Variants in CCDC144A observed in about 807,000 individuals in gnomAD.
CCDC144A encodes the protein coiled-coil domain containing 144A.
A neutral mutation model predicts 143.8 loss-of-function variants in CCDC144A; 41 were observed. The ratio of observed to expected loss-of-function variants is 0.29; its 90% CI spans 0.22 to 0.37. CCDC144A has a LOEUF of 0.37. CCDC144A is among the 10% of genes least tolerant of loss of function. CCDC144A has a pLI of 1.00. For missense variants in CCDC144A, 637 were observed against 1,488.8 expected (o/e 0.43, Z 9.41); for synonymous variants, 242 against 517.9 (o/e 0.47, Z 7.23).
chr17:16,719,904 G>GT (rs1400581350), intron 6 of CCDC144A, among the ~76,000 whole-genome samples: 4 of 152,068 alleles, frequency 2.6e-5, no homozygotes, highest in Non-Finnish European at 5.9e-5. Flanking sequence ...CAGGTAACAT[G>GT]TTTTTTTCTT....
the CCDC144A span, among the ~76,000 whole-genome samples, chr17:16,676,868 C>G: frequency 6.6e-6 from 1 of 152,032 alleles, no homozygotes; most frequent in African/African-American, 2.4e-5. Context: ...CATCCCAAAC[C>G]AAACATACAT....
At chr17:16,725,567 C>T (rs1337351621) in intron 8 of CCDC144A, among the ~76,000 whole-genome samples, 3 of 151,692 alleles carry the variant, frequency 2.0e-5, no homozygotes, top group Non-Finnish European at 4.4e-5. Flanking sequence ...TAAGTGGGAG[C>T]TATGCTATGA....
chr17:16,731,467 A>AT (rs568649457), intron 9 of CCDC144A: 39 of 203,708 alleles, frequency 1.9e-4, no homozygotes, highest in African/African-American at 8.1e-4. Context: ...GTTCTAATTA[A>AT]TTTTCAACTT....
chr17:16,731,247 C>T (rs1913728605), intron 9 of CCDC144A: 1 of 152,208 alleles, frequency 6.6e-6, no homozygotes, highest in South Asian at 2.1e-4. Context: ...GATGGGGTAA[C>T]AGTTATAGAC....
chr17:16,683,725 G>A, the CCDC144A span: 1 of 1,582,724 alleles, frequency 6.3e-7, no homozygotes, highest in Non-Finnish European at 8.7e-7. Flanking sequence ...GCCAGCAAGC[G>A]ACTCCGTGAG....
intron 12 of CCDC144A, among the ~76,000 whole-genome samples, chr17:16,753,404 A>G (rs1435935873): frequency 1.4e-5 from 2 of 141,850 alleles, no homozygotes; most frequent in African/African-American, 2.6e-5. Context: ...TGTCCTCTAC[A>G]ATTTCTTTTG....
At position 16,753,436 on chromosome 17, in the gene CCDC144A, T is replaced by TGTTGTTGTTGTTG. The variant is rs1281845059; in HGVS notation, c.3373-7989_3373-7988insGTTGTTGTTGTTG. Among the ~76,000 whole-genome samples, 59 of 135,596 alleles carry TGTTGTTGTTGTTG rather than the reference T, an allele frequency of 4.4e-4. 1 individual carries two copies. The highest frequency in any genetic ancestry group is 1.8e-3 in the African/African-American group (53 of 29,584). The allele number at this position is 135,596 out of a possible 152,430, so 89.0% of individuals were successfully genotyped here. A position where few individuals can be genotyped will look rare whatever the true frequency, so the allele number is the denominator to read the frequency against. ...TTTGTCAGTGTTTTGTAGTTTTTTT[T>TGTTGTTGTTGTTG]TTTTTTTTTTTTTTTTTTTTGTAAA... On this transcript the variant is annotated intron_variant, in intron 12 of 16. Transcript: ENST00000399273.
chr17:16,670,355 T>A, the CCDC144A span, among the ~76,000 whole-genome samples: 1 of 143,414 alleles, frequency 7.0e-6, no homozygotes, highest in South Asian at 2.4e-4. Context: ...TGGCGTGATC[T>A]TGGCTCACTG....
the CCDC144A span, among the ~76,000 whole-genome samples, chr17:16,667,523 C>T: frequency 6.6e-6 from 1 of 152,132 alleles, no homozygotes; most frequent in African/African-American, 2.4e-5. Flanking sequence ...CGGGTCCCTG[C>T]GGCTGGGTCC....
intron 12 of CCDC144A, among the ~76,000 whole-genome samples, chr17:16,743,462 C>T (rs545557085): frequency 5.1e-4 from 78 of 152,176 alleles, no homozygotes; most frequent in African/African-American, 1.4e-3. Context: ...TATTTTTATA[C>T]CAAGACCTTG....
At chr17:16,728,660 C>G (rs1297001724) in intron 9 of CCDC144A, among the ~76,000 whole-genome samples, 1 of 152,014 alleles carries the variant, frequency 6.6e-6, no homozygotes, top group Non-Finnish European at 1.5e-5. Flanking sequence ...GTGGTGAAGT[C>G]TGGGATTTTA....
At chr17:16,745,539 G>A in intron 12 of CCDC144A, 10 of 1,292,204 alleles carry the variant, frequency 7.7e-6, no homozygotes, top group Non-Finnish European at 1.1e-5. Context: ...TCCTGGTAAG[G>A]AATAAGTTCT....
intron 2 of CCDC144A, among the ~76,000 whole-genome samples, chr17:16,703,659 C>T (rs1017646371): frequency 2.6e-5 from 4 of 151,990 alleles, no homozygotes; most frequent in Non-Finnish European, 5.9e-5. Flanking sequence ...AAAAAATTAG[C>T]CGGGCGTGGT....
chr17:16,676,264 C>T, the CCDC144A span, among the ~76,000 whole-genome samples: 1 of 151,920 alleles, frequency 6.6e-6, no homozygotes, highest in African/African-American at 2.4e-5. Flanking sequence ...GTATTCCCAC[C>T]ACTTTGGGAG....
the CCDC144A span, among the ~76,000 whole-genome samples, chr17:16,672,713 CTG>C: frequency 6.6e-6 from 1 of 152,080 alleles, no homozygotes; most frequent in Non-Finnish European, 1.5e-5. Context: ...GTGAAAAGCA[CTG>C]TGTGTACAAT....
intron 9 of CCDC144A, among the ~76,000 whole-genome samples, chr17:16,730,035 C>T (rs1913665541): frequency 7.6e-6 from 1 of 132,350 alleles, no homozygotes; most frequent in African/African-American, 3.0e-5. Context: ...GATGAGGTCT[C>T]ATTATGTTGC....
At chr17:16,749,948 A>G (rs1343462089) in intron 12 of CCDC144A, among the ~76,000 whole-genome samples, 1 of 152,210 alleles carries the variant, frequency 6.6e-6, no homozygotes, top group Non-Finnish European at 1.5e-5. Flanking sequence ...ATCTTCGTCC[A>G]TCTCTTTACT....
At chr17:16,759,604 A>C (rs1290788719) in intron 12 of CCDC144A, among the ~76,000 whole-genome samples, 1 of 148,628 alleles carries the variant, frequency 6.7e-6, no homozygotes, top group Non-Finnish European at 1.5e-5. Flanking sequence ...TTTCTTCACT[A>C]TCCTGGAGCC....
At chr17:16,716,811 T>A (rs1912779979) in intron 6 of CCDC144A, among the ~76,000 whole-genome samples, 1 of 149,174 alleles carries the variant, frequency 6.7e-6, no homozygotes, top group African/African-American at 2.5e-5. Flanking sequence ...GGATTCCAGC[T>A]GTTTTTTTTT....
Sources: allele counts gnomAD v4.1 joint callset (sites outside exome capture counted in the v4.1 genomes callset), GRCh38; gene constraint gnomAD v4.1.1; transcripts MANE v1.5; gene names NCBI Gene and HGNC (gene_info 2026-07-23, HGNC 2026-07-21).